The following BCAR3 variants were observed in gnomAD, a reference collection of about 807,000 sequenced individuals.
The protein encoded by BCAR3 is BCAR3 adaptor protein, NSP family member, also known as breast cancer anti-estrogen resistance protein 3.
In BCAR3, 37 loss-of-function variants were observed where a neutral mutation model predicts 80.1. The observed-to-expected ratio is 0.46, with a 90% CI of 0.36 to 0.61. The LOEUF (loss-of-function observed/expected upper bound fraction) is 0.61, where lower values mean the gene tolerates loss of function less well. Ranked by LOEUF, BCAR3 falls within the 20% of genes least tolerant of loss-of-function variation. The pLI is 0.00. For synonymous variants in BCAR3, 389 were observed against 418.9 expected, an observed-to-expected ratio of 0.93 and a Z score of 0.87; for missense variants, 978 against 1,068.2, an observed-to-expected ratio of 0.92 and a Z score of 1.18.
intron 2 of BCAR3, among the ~76,000 whole-genome samples, chr1:93,707,192 T>C (rs968872359): frequency 6.6e-6 from 1 of 151,892 alleles, no homozygotes; most frequent in Non-Finnish European, 1.5e-5. Flanking sequence ...ACAAAAAAAG[T>C]ATACAGTTTA....
chr1:93,670,663 T>C (rs1648158469), intron 2 of BCAR3, among the ~76,000 whole-genome samples: 1 of 152,180 alleles, frequency 6.6e-6, no homozygotes. Context: ...ATGATGACAC[T>C]GATGATGGTG....
intron 2 of BCAR3, among the ~76,000 whole-genome samples, chr1:93,666,618 C>A (rs1470148693): frequency 6.6e-6 from 1 of 152,170 alleles, no homozygotes; most frequent in Non-Finnish European, 1.5e-5. Context: ...TGGCATAAAA[C>A]AAGCTAATAA....
intron 3 of BCAR3, among the ~76,000 whole-genome samples, chr1:93,628,150 A>C (rs1432385192): frequency 6.6e-6 from 1 of 152,094 alleles, no homozygotes; most frequent in African/African-American, 2.4e-5. Context: ...TGACAACAGC[A>C]CCATCCTACC....
chr1:93,611,504 G>A (rs900862662), intron 3 of BCAR3, among the ~76,000 whole-genome samples: 1 of 152,082 alleles, frequency 6.6e-6, no homozygotes, highest in African/African-American at 2.4e-5. Flanking sequence ...TTTATGTAAC[G>A]GCTGTCTACT....
intron 2 of BCAR3, among the ~76,000 whole-genome samples, chr1:93,797,219 T>C (rs1199192619): frequency 6.6e-6 from 1 of 152,208 alleles, no homozygotes; most frequent in Non-Finnish European, 1.5e-5. Context: ...GCCAGGCAGT[T>C]TGATTCACCC....
intron 6 of BCAR3, among the ~76,000 whole-genome samples, chr1:93,583,414 T>C (rs960946845): frequency 1.2e-4 from 18 of 152,182 alleles, no homozygotes; most frequent in African/African-American, 4.3e-4. Context: ...TGGGGTAACC[T>C]ACATGGAGGT....
chr1:93,664,767 C>T (rs569852317), intron 2 of BCAR3, among the ~76,000 whole-genome samples: 1 of 152,312 alleles, frequency 6.6e-6, no homozygotes, highest in South Asian at 2.1e-4. Context: ...AAAACCGTAT[C>T]AAGGCCAGTA....
chr1:93,564,939 G>A (rs779484036), intron 11 of BCAR3, among the ~76,000 whole-genome samples: 1 of 152,156 alleles, frequency 6.6e-6, no homozygotes, highest in African/African-American at 2.4e-5. Context: ...GAGTCATGTG[G>A]TTCTCATCCT....
chr1:93,832,367 A>T (rs1654596673), intron 2 of BCAR3, among the ~76,000 whole-genome samples: 1 of 152,158 alleles, frequency 6.6e-6, no homozygotes, highest in Non-Finnish European at 1.5e-5. Flanking sequence ...GGGCCAAGGA[A>T]TGCCTGCAGC....
At chr1:93,661,537 G>T (rs115870394) in intron 2 of BCAR3, among the ~76,000 whole-genome samples, 4,145 of 151,344 alleles carry the variant, frequency 0.027, 88 homozygotes, top group East Asian at 0.076. Flanking sequence ...CCCCAGGCTG[G>T]ATTACAATGG....
At chr1:93,759,811 A>G (rs1017856580) in intron 2 of BCAR3, among the ~76,000 whole-genome samples, 1 of 150,672 alleles carries the variant, frequency 6.6e-6, no homozygotes, top group East Asian at 2.0e-4. Context: ...CAGGGCTGGA[A>G]CAGACCAGTG....
chr1:93,577,130 G>A (rs944442329), intron 7 of BCAR3, among the ~76,000 whole-genome samples: 1 of 152,108 alleles, frequency 6.6e-6, no homozygotes, highest in Non-Finnish European at 1.5e-5. Flanking sequence ...CTTAAGCCGG[G>A]GTGAGAGCAA....
chr1:93,633,636 GC>G (rs1675691064), intron 3 of BCAR3, among the ~76,000 whole-genome samples: 2 of 152,024 alleles, frequency 1.3e-5, no homozygotes, highest in Non-Finnish European at 2.9e-5. Context: ...GCTTTAACTT[GC>G]CTTTTTTTGT....
chr1:93,572,574 A>C (rs6681200), intron 8 of BCAR3, among the ~76,000 whole-genome samples: 12,193 of 152,230 alleles, frequency 0.08, 1,620 homozygotes, highest in African/African-American at 0.28. Context: ...TTTTCTCCGC[A>C]TGACAACAGG....
chr1:93,846,679 CA>C (rs1655204392), intron 1 of BCAR3, among the ~76,000 whole-genome samples: 1 of 152,012 alleles, frequency 6.6e-6, no homozygotes, highest in South Asian at 2.1e-4. Flanking sequence ...CCCGCATACG[CA>C]TGCTCCCAGC....
At chr1:93,839,770 C>T (rs1654893164) in intron 2 of BCAR3, among the ~76,000 whole-genome samples, 1 of 152,088 alleles carries the variant, frequency 6.6e-6, no homozygotes, top group Non-Finnish European at 1.5e-5. Context: ...TTGAGATTTG[C>T]TTATTAAGGA....
chr1:93,718,032 C>G (rs1462824937), intron 2 of BCAR3, among the ~76,000 whole-genome samples: 2 of 152,184 alleles, frequency 1.3e-5, no homozygotes, highest in African/African-American at 4.8e-5. Context: ...TTACTTGGTT[C>G]TGTTTGTCAC....
intron 3 of BCAR3, chr1:93,598,774 C>T (rs944616820): frequency 1.3e-5 from 2 of 152,114 alleles, no homozygotes; most frequent in African/African-American, 4.8e-5. Flanking sequence ...CCAGGAGTGT[C>T]CTGGAAACAG....
chr1:93,643,160 G>A (rs1259028439), intron 2 of BCAR3, among the ~76,000 whole-genome samples: 1 of 150,960 alleles, frequency 6.6e-6, no homozygotes, highest in African/African-American at 2.4e-5. Flanking sequence ...CCAGGAGGCA[G>A]AGGTTGCGGC....
Sources: gnomAD v4.1 joint callset for allele counts (sites outside exome capture counted in the v4.1 genomes callset) on GRCh38, gnomAD v4.1.1 for gene constraint, MANE v1.5 for transcripts, NCBI Gene and HGNC (gene_info 2026-07-23, HGNC 2026-07-21) for gene names.